The following MTHFD2L variants were observed in gnomAD, a reference collection of about 807,000 sequenced individuals.
MTHFD2L encodes the protein bifunctional methylenetetrahydrofolate dehydrogenase/cyclohydrolase 2, mitochondrial.
MTHFD2L carries 29 observed loss-of-function variants against 34.9 expected under a neutral mutation model. That is an observed-to-expected ratio of 0.83 (90% CI 0.62 to 1.13). The LOEUF is 1.13. MTHFD2L is among the 50% of genes most tolerant of loss of function. The probability of loss-of-function intolerance (pLI) is 0.00; values close to 1 mark genes in which losing one functional copy is unlikely to be tolerated. For missense variants in MTHFD2L, 481 were observed against 446.5 expected (o/e 1.08, Z -0.70); for synonymous variants, 167 against 155.7 (o/e 1.07, Z -0.54).
chr4:74,177,434 C>T (rs1729264662), intron 3 of MTHFD2L, among the ~76,000 whole-genome samples: 1 of 151,758 alleles, frequency 6.6e-6, no homozygotes, highest in Non-Finnish European at 1.5e-5. Context: ...TTAAAATGTC[C>T]ATTCTACACA....
At chr4:74,265,398 A>G (rs1745167755) in intron 6 of MTHFD2L, among the ~76,000 whole-genome samples, 3 of 152,176 alleles carry the variant, frequency 2.0e-5, no homozygotes. Context: ...GGCAGAGGGT[A>G]AGTGGAAACG....
intron 3 of MTHFD2L, among the ~76,000 whole-genome samples, chr4:74,179,000 C>T (rs1437993115): frequency 3.3e-5 from 5 of 152,022 alleles, no homozygotes; most frequent in Admixed American, 2.6e-4. Context: ...TGTGTGCTTA[C>T]TATGTGGCAG....
At chr4:74,187,234 T>TTTCTCAAAATAAA (rs1731461432) in intron 3 of MTHFD2L, among the ~76,000 whole-genome samples, 1 of 152,118 alleles carries the variant, frequency 6.6e-6, no homozygotes, top group Non-Finnish European at 1.5e-5. Flanking sequence ...AGCTTGAAGT[T>TTTCTCAAAATAAA]ATGCCAGTAG....
chr4:74,180,102 A>T (rs1013410725), intron 3 of MTHFD2L, among the ~76,000 whole-genome samples: 1 of 152,124 alleles, frequency 6.6e-6, no homozygotes, highest in Non-Finnish European at 1.5e-5. Context: ...TTACTATGAA[A>T]AAACTGGCAA....
At chr4:74,161,059 C>G (rs969360279) in intron 1 of MTHFD2L, 1 of 152,086 alleles carries the variant, frequency 6.6e-6, no homozygotes, top group African/African-American at 2.4e-5. Flanking sequence ...ACTATTATTT[C>G]TTTTAGCTTT....
intron 1 of MTHFD2L, 115 bp from the exon 2 acceptor site, chr4:74,174,391 T>A (rs1728615731): frequency 7.7e-6 from 6 of 774,394 alleles, no homozygotes; most frequent in Non-Finnish European, 1.1e-5. Context: ...GAAAAAAAAA[T>A]CAAATTTTGG....
chr4:74,260,680 A>C (rs1302461994), intron 6 of MTHFD2L, among the ~76,000 whole-genome samples: 1 of 152,142 alleles, frequency 6.6e-6, no homozygotes, highest in Non-Finnish European at 1.5e-5. Context: ...GAGGAACAGA[A>C]ACATTATTTC....
intron 3 of MTHFD2L, chr4:74,194,351 A>T (rs891304625): frequency 6.6e-6 from 1 of 152,180 alleles, no homozygotes; most frequent in Non-Finnish European, 1.5e-5. Context: ...TCCTGTGGCT[A>T]GAAAAGCTTT....
At chr4:74,133,219 C>G (rs1020970186) in intron 1 of MTHFD2L, among the ~76,000 whole-genome samples, 1 of 152,226 alleles carries the variant, frequency 6.6e-6, no homozygotes, top group South Asian at 2.1e-4. Context: ...TTATTTTACT[C>G]TTTTGCTGCT....
intron 1 of MTHFD2L, among the ~76,000 whole-genome samples, chr4:74,164,554 A>G (rs547430960): frequency 1.3e-4 from 20 of 152,382 alleles, no homozygotes; most frequent in African/African-American, 4.8e-4. Flanking sequence ...TCTGTAATTT[A>G]GCAGAAACTA....
intron 1 of MTHFD2L, chr4:74,160,699 C>T (rs1488963738): frequency 6.6e-6 from 1 of 152,104 alleles, no homozygotes; most frequent in Non-Finnish European, 1.5e-5. Flanking sequence ...GTCTTTGTAA[C>T]TAAATTTTTC....
chr4:74,248,123 G>C (rs1231725413), intron 6 of MTHFD2L, among the ~76,000 whole-genome samples: 3 of 151,338 alleles, frequency 2.0e-5, no homozygotes, highest in Admixed American at 6.6e-5. Context: ...ACTCTTTTTG[G>C]TTGGTAAGCT....
At chr4:74,257,494 C>A (rs28860006) in intron 6 of MTHFD2L, among the ~76,000 whole-genome samples, 41 of 152,116 alleles carry the variant, frequency 2.7e-4, no homozygotes, top group Middle Eastern at 6.8e-3. Flanking sequence ...TAATAACAGA[C>A]AAAATAGACT....
chr4:74,136,287 T>A (rs531081350), intron 1 of MTHFD2L, among the ~76,000 whole-genome samples: 26 of 152,212 alleles, frequency 1.7e-4, no homozygotes, highest in Middle Eastern at 6.8e-3. Flanking sequence ...AGTTGTAGGA[T>A]ACAAAATCAA....
intron 6 of MTHFD2L, among the ~76,000 whole-genome samples, chr4:74,248,431 G>A (rs992165888): frequency 6.6e-6 from 1 of 151,956 alleles, no homozygotes; most frequent in African/African-American, 2.4e-5. Context: ...CAAAAAACCA[G>A]CTCCCGGATT....
At chr4:74,122,606 CT>C (rs1342682737), upstream of MTHFD2L, among the ~76,000 whole-genome samples, 1 of 152,162 alleles carries the variant, frequency 6.6e-6, no homozygotes. Flanking sequence ...TGGAATATTG[CT>C]GCCAAAAATG....
chr4:74,120,001 CAAG>C (rs994816473), upstream of MTHFD2L, among the ~76,000 whole-genome samples: 1 of 151,958 alleles, frequency 6.6e-6, no homozygotes, highest in Non-Finnish European at 1.5e-5. Context: ...AAAAGATGAA[CAAG>C]AAGAACAGAA....
chr4:74,203,838 A>T (rs1015548822), intron 5 of MTHFD2L, among the ~76,000 whole-genome samples: 1 of 152,010 alleles, frequency 6.6e-6, no homozygotes, highest in African/African-American at 2.4e-5. Context: ...AACAATCAGT[A>T]ATGTTTACCT....
intron 1 of MTHFD2L, among the ~76,000 whole-genome samples, chr4:74,132,767 C>T (rs7686861): frequency 0.48 from 73,108 of 152,018 alleles, 20,712 homozygotes; most frequent in Admixed American, 0.62. Context: ...TACACTTTAA[C>T]TCCACACCTC....
Sources: allele counts gnomAD v4.1 joint callset (sites outside exome capture counted in the v4.1 genomes callset), GRCh38; gene constraint gnomAD v4.1.1; transcripts MANE v1.5; gene names NCBI Gene and HGNC (gene_info 2026-07-23, HGNC 2026-07-21).